LRRIQ1: variants seen among roughly 807,000 people sequenced by gnomAD.
LRRIQ1 encodes leucine rich repeats and IQ motif containing 1.
Under a neutral mutation model 211.9 loss-of-function variants are expected in LRRIQ1, and 210 were observed. That is an observed-to-expected ratio of 0.99 (90% CI 0.89 to 1.11). LRRIQ1 has a LOEUF of 1.11. LRRIQ1 is among the 50% of genes most tolerant of loss of function. The probability of loss-of-function intolerance (pLI) is 0.00; values close to 1 mark genes in which losing one functional copy is unlikely to be tolerated. For synonymous variants in LRRIQ1, 699 were observed against 650.1 expected (o/e 1.08, Z -1.14); for missense variants, 2,136 against 1,939.5 (o/e 1.10, Z -1.90).
At chr12:85,065,871 A>G (rs1882374504) in intron 9 of LRRIQ1, among the ~76,000 whole-genome samples, 1 of 151,854 alleles carries the variant, frequency 6.6e-6, no homozygotes, top group African/African-American at 2.4e-5. Flanking sequence ...CCTTGGCAGG[A>G]TTGTCCGGAA....
intron 11 of LRRIQ1, among the ~76,000 whole-genome samples, chr12:85,092,000 T>C (rs1297818025): frequency 6.6e-6 from 1 of 152,170 alleles, no homozygotes; most frequent in Non-Finnish European, 1.5e-5. Context: ...CTCCACCACC[T>C]GTCAGTTCAT....
chr12:85,140,621 A>G (rs1270205969), intron 19 of LRRIQ1, among the ~76,000 whole-genome samples: 2 of 151,008 alleles, frequency 1.3e-5, no homozygotes, highest in African/African-American at 2.4e-5. Flanking sequence ...TGCTTCCATT[A>G]TAATGTTAAA....
intron 24 of LRRIQ1, among the ~76,000 whole-genome samples, chr12:85,192,632 A>G: frequency 9.9e-6 from 1 of 101,296 alleles, no homozygotes; most frequent in Non-Finnish European, 1.7e-5. Context: ...TTATAAATAA[A>G]TATATATAGT....
intron 11 of LRRIQ1, among the ~76,000 whole-genome samples, chr12:85,077,979 C>T (rs1179219487): frequency 1.8e-5 from 2 of 111,346 alleles, no homozygotes; most frequent in East Asian, 2.3e-4. Flanking sequence ...CAGAACGAGA[C>T]CCTGTCTCAA....
At chr12:85,047,872 A>G (rs967389874) in intron 6 of LRRIQ1, 18 of 162,874 alleles carry the variant, frequency 1.1e-4, no homozygotes, top group African/African-American at 4.1e-4. Flanking sequence ...AAGTAGTTCA[A>G]CCATTTAGAG....
chr12:85,156,962 A>T (rs543933470), intron 23 of LRRIQ1, among the ~76,000 whole-genome samples: 1 of 152,090 alleles, frequency 6.6e-6, no homozygotes, highest in East Asian at 1.9e-4. Flanking sequence ...TTTCTGCCAC[A>T]GAAAACCTTA....
At chr12:85,176,847 C>T (rs907873830) in intron 24 of LRRIQ1, among the ~76,000 whole-genome samples, 7 of 151,980 alleles carry the variant, frequency 4.6e-5, no homozygotes, top group Non-Finnish European at 8.8e-5. Context: ...TTAAACTATG[C>T]ATTAAATTAC....
intron 1 of LRRIQ1, among the ~76,000 whole-genome samples, chr12:85,252,971 ATAAG>A (rs1895991233): frequency 6.6e-6 from 1 of 151,244 alleles, no homozygotes; most frequent in Non-Finnish European, 1.5e-5. Flanking sequence ...TACACTTAAT[ATAAG>A]TAAATGATAC....
intron 1 of LRRIQ1, among the ~76,000 whole-genome samples, chr12:85,250,996 TATATA>T (rs1215321271): frequency 8.6e-6 from 1 of 116,136 alleles, no homozygotes; most frequent in Non-Finnish European, 1.7e-5. Flanking sequence ...TATATTATAT[TATATA>T]TAATATATAT....
chr12:85,232,973 A>G (rs1895017482), intron 26 of LRRIQ1: 2 of 465,262 alleles, frequency 4.3e-6, no homozygotes, highest in Non-Finnish European at 7.5e-6. Flanking sequence ...ATTTTATGTG[A>G]CAGATGTAAA....
chr12:85,172,825 T>C (rs1285000218), intron 24 of LRRIQ1, among the ~76,000 whole-genome samples: 1 of 152,036 alleles, frequency 6.6e-6, no homozygotes, highest in Non-Finnish European at 1.5e-5. Flanking sequence ...AATAAATATA[T>C]TGGCCGGGTG....
chr12:85,111,770 C>T (rs936113145), intron 15 of LRRIQ1, among the ~76,000 whole-genome samples: 6 of 151,842 alleles, frequency 4.0e-5, no homozygotes, highest in African/African-American at 1.5e-4. Context: ...ATCAGCAAAC[C>T]GATAAGAGAT....
chr12:85,119,833 G>A (rs1887846533), intron 15 of LRRIQ1, among the ~76,000 whole-genome samples: 1 of 152,100 alleles, frequency 6.6e-6, no homozygotes, highest in African/African-American at 2.4e-5. Flanking sequence ...TAAGGTGTCT[G>A]TTGAGGTTTC....
At chr12:85,095,915 G>A (rs939726435) in intron 11 of LRRIQ1, among the ~76,000 whole-genome samples, 2 of 152,054 alleles carry the variant, frequency 1.3e-5, no homozygotes, top group South Asian at 4.2e-4. Context: ...TCTACTTCCT[G>A]TATATTTTCT....
chr12:85,046,454 A>C (rs771325035), intron 5 of LRRIQ1, among the ~76,000 whole-genome samples: 1 of 152,104 alleles, frequency 6.6e-6, no homozygotes, highest in Non-Finnish European at 1.5e-5. Context: ...GTTTATTTTT[A>C]TATTAAGTTT....
At chr12:85,111,239 G>A (rs564712104) in intron 15 of LRRIQ1, among the ~76,000 whole-genome samples, 10 of 152,208 alleles carry the variant, frequency 6.6e-5, no homozygotes, top group Admixed American at 2.0e-4. Flanking sequence ...AGGAGAGAGG[G>A]AAAGGGACCG....
chr12:85,052,736 A>G (rs945266159), intron 7 of LRRIQ1, among the ~76,000 whole-genome samples: 1 of 152,010 alleles, frequency 6.6e-6, no homozygotes, highest in African/African-American at 2.4e-5. Context: ...CCTTTTTTGT[A>G]TTCCTTTCAA....
At chr12:85,045,745 T>C (rs751581526) in intron 4 of LRRIQ1, among the ~76,000 whole-genome samples, 1 of 151,882 alleles carries the variant, frequency 6.6e-6, no homozygotes, top group Non-Finnish European at 1.5e-5. Context: ...TGTCAGATGG[T>C]TTAATTGAAT....
At chr12:85,132,625 G>A (rs1316572500) in intron 18 of LRRIQ1, among the ~76,000 whole-genome samples, 9 of 151,884 alleles carry the variant, frequency 5.9e-5, no homozygotes, top group Non-Finnish European at 1.3e-4. Flanking sequence ...AAAATTAACT[G>A]GGTGGCATGT....
Sources: gnomAD v4.1 joint callset for allele counts (sites outside exome capture counted in the v4.1 genomes callset) on GRCh38, gnomAD v4.1.1 for gene constraint, MANE v1.5 for transcripts, NCBI Gene and HGNC (gene_info 2026-07-23, HGNC 2026-07-21) for gene names.